MGAT5: variants seen among roughly 807,000 people sequenced by gnomAD.
MGAT5 encodes alpha-1,6-mannosylglycoprotein 6-beta-N-acetylglucosaminyltransferase, also known as alpha-1,6-mannosylglycoprotein 6-beta-N-acetylglucosaminyltransferase A.
A neutral mutation model predicts 94.3 loss-of-function variants in MGAT5; 30 were observed. The observed-to-expected ratio is 0.32, with a 90% confidence interval of 0.24 to 0.43. MGAT5 has a LOEUF of 0.43. Ranked by LOEUF, MGAT5 falls within the 20% of genes least tolerant of loss-of-function variation. MGAT5 has a pLI of 1.00. For missense variants in MGAT5, 691 were observed against 905.5 expected, an observed-to-expected ratio of 0.76 and a Z score of 3.04; for synonymous variants, 310 against 322.9, an observed-to-expected ratio of 0.96 and a Z score of 0.43.
chr2:134,375,915 T>G (rs572068099), intron 10 of MGAT5, among the ~76,000 whole-genome samples: 2 of 152,306 alleles, frequency 1.3e-5, no homozygotes, highest in Admixed American at 1.3e-4. Context: ...GGGTGTTTCA[T>G]GACCACAGAG....
chr2:134,198,246 A>G (rs779847111), intron 1 of MGAT5, among the ~76,000 whole-genome samples: 3 of 152,222 alleles, frequency 2.0e-5, no homozygotes, highest in Non-Finnish European at 4.4e-5. Flanking sequence ...ACCAGCCCTC[A>G]GTTGCCCTCC....
chr2:134,354,189 A>G (rs2106071716), intron 9 of MGAT5, among the ~76,000 whole-genome samples: 1 of 152,360 alleles, frequency 6.6e-6, no homozygotes, highest in East Asian at 1.9e-4. Context: ...AGTAATCATT[A>G]TATAATTTCT....
intron 1 of MGAT5, among the ~76,000 whole-genome samples, chr2:134,137,841 T>A (rs1282735887): frequency 6.6e-6 from 1 of 152,162 alleles, no homozygotes; most frequent in African/African-American, 2.4e-5. Flanking sequence ...AATGTATTTG[T>A]ATTTAACAAG....
At chr2:134,283,736 G>A (rs1388586794) in intron 2 of MGAT5, among the ~76,000 whole-genome samples, 2 of 140,252 alleles carry the variant, frequency 1.4e-5, no homozygotes, top group Middle Eastern at 4.0e-3. Context: ...GAATCCCACC[G>A]TGAAGTTGTC....
chr2:134,155,118 A>G (rs868055196), intron 1 of MGAT5, among the ~76,000 whole-genome samples: 9 of 152,200 alleles, frequency 5.9e-5, no homozygotes, highest in African/African-American at 2.2e-4. Context: ...AACTTTGTTC[A>G]TGGTCAGGAG....
intron 1 of MGAT5, among the ~76,000 whole-genome samples, chr2:134,188,200 G>A (rs181337493): frequency 1.3e-5 from 2 of 152,336 alleles, no homozygotes; most frequent in East Asian, 1.9e-4. Flanking sequence ...TAAGGAAATC[G>A]GCATGAGGCC....
At chr2:134,258,910 C>G (rs1683149403) in intron 1 of MGAT5, among the ~76,000 whole-genome samples, 1 of 152,204 alleles carries the variant, frequency 6.6e-6, no homozygotes. Flanking sequence ...TGCTGTGTGT[C>G]AGGTGCCTGA....
intron 1 of MGAT5, among the ~76,000 whole-genome samples, chr2:134,175,240 A>C (rs1688404402): frequency 6.6e-6 from 1 of 152,256 alleles, no homozygotes; most frequent in African/African-American, 2.4e-5. Flanking sequence ...AATATTTCAA[A>C]TATCCACACA....
intron 1 of MGAT5, among the ~76,000 whole-genome samples, chr2:134,199,972 A>G (rs956542424): frequency 1.3e-5 from 2 of 152,218 alleles, no homozygotes; most frequent in Non-Finnish European, 2.9e-5. Flanking sequence ...ACCCACAAAC[A>G]GTCTTAAAAT....
At chr2:134,289,989 G>A (rs1356724852) in intron 2 of MGAT5, among the ~76,000 whole-genome samples, 3 of 152,172 alleles carry the variant, frequency 2.0e-5, no homozygotes, top group Non-Finnish European at 4.4e-5. Flanking sequence ...TGTACTGTGA[G>A]TATATATGCT....
chr2:134,145,842 C>T (rs1266836732), intron 1 of MGAT5, among the ~76,000 whole-genome samples: 1 of 152,180 alleles, frequency 6.6e-6, no homozygotes, highest in Non-Finnish European at 1.5e-5. Context: ...TACTAAATGC[C>T]AGTTCTGTCT....
chr2:134,273,852 A>G (rs1327592854), intron 2 of MGAT5, among the ~76,000 whole-genome samples: 2 of 152,194 alleles, frequency 1.3e-5, no homozygotes, highest in African/African-American at 4.8e-5. Context: ...TTGAAGAGAA[A>G]GGGGACTCAA....
At chr2:134,181,728 C>A (rs987342265) in intron 1 of MGAT5, among the ~76,000 whole-genome samples, 11 of 152,118 alleles carry the variant, frequency 7.2e-5, no homozygotes, top group African/African-American at 2.4e-4. Context: ...ACTTCTTACA[C>A]CTTAATTATT....
intron 1 of MGAT5, among the ~76,000 whole-genome samples, chr2:134,143,667 G>T (rs1299308199): frequency 6.6e-6 from 1 of 152,214 alleles, no homozygotes; most frequent in East Asian, 1.9e-4. Flanking sequence ...GTTGGCTGAG[G>T]ATAAAGGGAA....
At chr2:134,170,682 T>C (rs979195755) in intron 1 of MGAT5, among the ~76,000 whole-genome samples, 11 of 152,192 alleles carry the variant, frequency 7.2e-5, no homozygotes, top group African/African-American at 2.7e-4. Flanking sequence ...CTCCCTCCCT[T>C]ACTGAGGTCT....
intron 1 of MGAT5, among the ~76,000 whole-genome samples, chr2:134,130,539 C>T: frequency 6.6e-6 from 1 of 152,256 alleles, no homozygotes; most frequent in East Asian, 1.9e-4. Flanking sequence ...CCAATCAGCA[C>T]TCTGTGTCTG....
At chr2:134,330,148 A>G (rs1486492267) in intron 4 of MGAT5, among the ~76,000 whole-genome samples, 2 of 152,192 alleles carry the variant, frequency 1.3e-5, no homozygotes, top group Admixed American at 6.5e-5. Flanking sequence ...TATATGACCA[A>G]CTAGCCTAAC....
At chr2:134,258,588 C>G (rs1435805266) in intron 1 of MGAT5, among the ~76,000 whole-genome samples, 1 of 152,170 alleles carries the variant, frequency 6.6e-6, no homozygotes, top group African/African-American at 2.4e-5. Context: ...CCTAGATAGT[C>G]TCTGGGTGAG....
Position 134,273,026 on chromosome 2 carries a change from C to CGCGCGT in MGAT5, c.406+2485_406+2490dup, listed in dbSNP as rs140940733. ...GTGTGTGTCTGTGTGTGTGTGCGCG[C>CGCGCGT]GCGCGTGCGCGTGCATGCATGCAGA... On this transcript the variant is annotated intron_variant, in intron 2 of 15. Coordinates refer to ENST00000281923, the MANE Select transcript of MGAT5 (RefSeq NM_002410.5). Among the ~76,000 whole-genome samples, 10 of 151,728 alleles carry CGCGCGT rather than the reference C, an allele frequency of 6.6e-5. No individual in the cohort carries two copies. The South Asian group carries it at 2.1e-3, about 32-fold the overall frequency.
Sources: allele counts gnomAD v4.1 joint callset (sites outside exome capture counted in the v4.1 genomes callset), GRCh38; gene constraint gnomAD v4.1.1; transcripts MANE v1.5; gene names NCBI Gene and HGNC (gene_info 2026-07-23, HGNC 2026-07-21).